Variants in TNRC6A observed in about 807,000 individuals in gnomAD.
TNRC6A encodes the protein trinucleotide repeat-containing gene 6A protein.
In TNRC6A, 44 loss-of-function variants were observed where a neutral mutation model predicts 221.2. That is an observed-to-expected ratio of 0.20 (90% CI 0.16 to 0.26). The LOEUF (loss-of-function observed/expected upper bound fraction) is 0.26. Among genes scored for constraint, TNRC6A ranks in the 10% least tolerant of loss-of-function variants. The pLI, the probability that TNRC6A is intolerant of heterozygous loss-of-function variation, is 1.00. For synonymous variants in TNRC6A, 847 were observed against 838.5 expected (o/e 1.01, Z -0.18); for missense variants, 2,199 against 2,404.4 (o/e 0.91, Z 1.79).
intron 3 of TNRC6A, among the ~76,000 whole-genome samples, chr16:24,756,945 T>C (rs2057264752): frequency 6.6e-6 from 1 of 152,210 alleles, no homozygotes; most frequent in Non-Finnish European, 1.5e-5. Context: ...TGCTAATTCT[T>C]TGGCTTCAGA....
At chr16:24,700,188 G>C (rs139645496) in intron 2 of TNRC6A, among the ~76,000 whole-genome samples, 26 of 152,028 alleles carry the variant, frequency 1.7e-4, no homozygotes, top group African/African-American at 6.3e-4. Context: ...CAAAGGCCAG[G>C]AGGAGTTCAA....
chr16:24,713,507 C>T lies in TNRC6A; in HGVS notation n.403-37219C>T, dbSNP rs143873506. On this transcript the variant is annotated intron_variant and non_coding_transcript_variant, in intron 2 of 2. Transcript: ENST00000566108. ...TTCTTTTAATGCTTGAAATATGTTG[C>T]TCTATTGTTTACTCACTTGCAGTGT... is the stretch of plus-strand genomic sequence containing the variant. Among the ~76,000 whole-genome samples, 8 of 152,010 alleles carry T rather than the reference C, an allele frequency of 5.3e-5. No homozygotes were observed. In the East Asian group the frequency reaches 1.5e-3, roughly 29 times the overall value.
chr16:24,748,650 T>C (rs974615660), intron 2 of TNRC6A, among the ~76,000 whole-genome samples: 1 of 152,164 alleles, frequency 6.6e-6, no homozygotes, highest in Non-Finnish European at 1.5e-5. Flanking sequence ...CATTTTTCGG[T>C]GTCTGCATCT....
Position 24,816,859 on chromosome 16 carries a change from C to T in TNRC6A, c.4875C>T (p.Asp1625=), listed in dbSNP as rs199742168. ...CATGGAAAGGTTATCCAAACATTGA[C>T]CCTGAAACTGACCCTTACGTCACTC... ...GEPWKGYPNI[D]PETDPYVTPG... The change falls in exon 20 of 25, where the codon GAC becomes GAT. Residue 1625 remains aspartate, a synonymous_variant. Transcript: ENST00000395799. 6 of 1,613,988 alleles carry T rather than the reference C, an allele frequency of 3.7e-6. No homozygotes were observed. The Admixed American group carries it at 6.7e-5, about 18-fold the overall frequency.
At chr16:24,786,499 A>G (rs1182505838) in intron 5 of TNRC6A, among the ~76,000 whole-genome samples, 1 of 149,600 alleles carries the variant, frequency 6.7e-6, no homozygotes, top group Non-Finnish European at 1.5e-5. Context: ...ATTTTTTTGT[A>G]GAGATGGGCT....
intron 16 of TNRC6A, 104 bp downstream of exon 16, chr16:24,806,387 AC>A: frequency 6.2e-6 from 9 of 1,458,984 alleles, no homozygotes; most frequent in Non-Finnish European, 8.4e-6. Context: ...AAACAATCTT[AC>A]TAAGATGTAA....
At position 24,805,412 on chromosome 16, in the gene TNRC6A, C is replaced by T. The variant is rs952597248; in HGVS notation, c.4123-193C>T. Reference sequence around the variant, plus strand: ...GTAAAATTGACTAGTTTAAGATGCACCTCTGTCATCTTTTACTTAACCCAC... The same window carrying T: ...GTAAAATTGACTAGTTTAAGATGCATCTCTGTCATCTTTTACTTAACCCAC... On this transcript the variant is annotated intron_variant, in intron 14 of 24. Coordinates refer to ENST00000395799, the MANE Select transcript of TNRC6A (RefSeq NM_014494.4). The T allele has an allele frequency of 9.2e-5, 82 of 895,834 alleles. No individual in the cohort carries two copies. In the Middle Eastern group the frequency reaches 1.0e-3, roughly 11 times the overall value. The allele number at this position is 895,834 out of a possible 1,614,324, so 55.5% of individuals were successfully genotyped here. A position where few individuals can be genotyped will look rare whatever the true frequency, so the allele number is the denominator to read the frequency against.
intron 2 of TNRC6A, among the ~76,000 whole-genome samples, chr16:24,733,253 A>G (rs60316677): frequency 0.025 from 3,738 of 152,262 alleles, 145 homozygotes; most frequent in African/African-American, 0.083. Flanking sequence ...CCTAGACCCT[A>G]TTATGTAGAT....
At chr16:24,797,250 C>A (rs1483869122) in intron 9 of TNRC6A, among the ~76,000 whole-genome samples, 1 of 152,178 alleles carries the variant, frequency 6.6e-6, no homozygotes, top group African/African-American at 2.4e-5. Context: ...TTCCTTCTGA[C>A]TGCTTGCCTT....
intron 4 of TNRC6A, among the ~76,000 whole-genome samples, chr16:24,761,148 A>C (rs372906850): frequency 6.6e-6 from 1 of 152,200 alleles, no homozygotes; most frequent in Admixed American, 6.5e-5. Context: ...GTTTAGCCAC[A>C]TGTGGCTGTC....
intron 4 of TNRC6A, among the ~76,000 whole-genome samples, chr16:24,764,087 T>G (rs1020593731): frequency 6.6e-6 from 1 of 152,098 alleles, no homozygotes; most frequent in African/African-American, 2.4e-5. Context: ...CTTTGTACCC[T>G]TTGACCTATA....
chr16:24,758,805 G>A (rs1371661270), intron 4 of TNRC6A, among the ~76,000 whole-genome samples: 1 of 151,974 alleles, frequency 6.6e-6, no homozygotes, highest in Admixed American at 6.6e-5. Context: ...ATCCATCTCT[G>A]TATTATCACT....
rs545593988 is a variant in TNRC6A, at chr16:24,711,899, G to A, written n.403-38827G>A. Among the ~76,000 whole-genome samples, 14 of 152,108 alleles carry A rather than the reference G, an allele frequency of 9.2e-5. No homozygotes were observed. In the East Asian group the frequency reaches 2.3e-3, roughly 25 times the overall value. The stretch of plus-strand genomic sequence containing the variant: ...TAGTCTCAAACTCCTGGGCTCAAGC[G>A]ATCCTCCTGCCTCAGCCTCCCAAAT... On this transcript the variant is annotated intron_variant and non_coding_transcript_variant, in intron 2 of 2. Coordinates refer to the TNRC6A transcript ENST00000566108.
intron 18 of TNRC6A, among the ~76,000 whole-genome samples, chr16:24,813,125 C>T (rs2058583138): frequency 6.6e-6 from 1 of 152,112 alleles, no homozygotes; most frequent in Non-Finnish European, 1.5e-5. Context: ...GATCCACCTG[C>T]TTCGGCCTCC....
chr16:24,734,019 T>A (rs1029507474), intron 2 of TNRC6A, among the ~76,000 whole-genome samples: 1 of 151,986 alleles, frequency 6.6e-6, no homozygotes, highest in Non-Finnish European at 1.5e-5. Context: ...AAAAGAATTT[T>A]AAAAAATTAG....
chr16:24,625,137 T>G (rs1900889391), intron 1 of TNRC6A, among the ~76,000 whole-genome samples: 1 of 152,208 alleles, frequency 6.6e-6, no homozygotes, highest in Non-Finnish European at 1.5e-5. Context: ...TTATGGCCAG[T>G]AGCTTGAAAA....
At chr16:24,759,726 C>A (rs534869152) in intron 4 of TNRC6A, among the ~76,000 whole-genome samples, 1 of 152,196 alleles carries the variant, frequency 6.6e-6, no homozygotes, top group South Asian at 2.1e-4. Context: ...TAGAGAGGGT[C>A]ATGAGGGTTT....
chr16:24,755,508 A>T (rs1406030263), intron 3 of TNRC6A, among the ~76,000 whole-genome samples: 2 of 152,250 alleles, frequency 1.3e-5, no homozygotes, highest in Non-Finnish European at 2.9e-5. Flanking sequence ...CTTTAACCTT[A>T]CAACTCTGAG....
At chr16:24,729,387 G>A (rs1417948666), upstream of TNRC6A, among the ~76,000 whole-genome samples, 1 of 149,560 alleles carries the variant, frequency 6.7e-6, no homozygotes, top group African/African-American at 2.5e-5. Context: ...AAAGAAGGAG[G>A]AGGAGGGGAG....
Sources: allele counts gnomAD v4.1 joint callset (sites outside exome capture counted in the v4.1 genomes callset), GRCh38; gene constraint gnomAD v4.1.1; transcripts MANE v1.5; gene names NCBI Gene and HGNC (gene_info 2026-07-23, HGNC 2026-07-21).